Variants in CCDC3 observed in about 807,000 individuals in gnomAD.
The protein encoded by CCDC3 is coiled-coil domain containing 3, also known as coiled-coil domain-containing protein 3.
CCDC3 carries 24 observed loss-of-function variants against 21.4 expected under a neutral mutation model. That is an observed-to-expected ratio of 1.12 (90% CI 0.81 to 1.58). The LOEUF (loss-of-function observed/expected upper bound fraction) is 1.58. Among genes scored for constraint, CCDC3 ranks in the 40% most tolerant of loss-of-function variants. CCDC3 has a pLI of 0.00. For missense variants in CCDC3, 425 were observed against 360.9 expected (o/e 1.18, Z -1.44); for synonymous variants, 186 against 166.0 (o/e 1.12, Z -0.93).
At chr10:13,085,239 G>T (rs1425658051) in intron 3 of CCDC3, among the ~76,000 whole-genome samples, 1 of 152,190 alleles carries the variant, frequency 6.6e-6, no homozygotes, top group African/African-American at 2.4e-5. Context: ...GCGTGCTGTT[G>T]TGTGCGCACC....
upstream of CCDC3, among the ~76,000 whole-genome samples, chr10:13,002,411 A>G (rs983339199): frequency 2.0e-5 from 3 of 152,102 alleles, no homozygotes; most frequent in Non-Finnish European, 4.4e-5. Context: ...TTCTTGAGAC[A>G]AGGTCTATAT....
intron 4 of CCDC3, among the ~76,000 whole-genome samples, chr10:13,050,181 CCG>C (rs1287545141): frequency 2.6e-5 from 4 of 152,060 alleles, no homozygotes; most frequent in Non-Finnish European, 5.9e-5. Flanking sequence ...TTTGCTGTGG[CCG>C]TGGGTGTGGA....
At chr10:13,071,038 C>T (rs1292025193) in intron 4 of CCDC3, among the ~76,000 whole-genome samples, 1 of 152,174 alleles carries the variant, frequency 6.6e-6, no homozygotes, top group Non-Finnish European at 1.5e-5. Flanking sequence ...TATTCTCCTT[C>T]TGAGCAGTTA....
intron 2 of CCDC3, among the ~76,000 whole-genome samples, chr10:12,945,557 C>T (rs539252497): frequency 8.5e-5 from 13 of 152,230 alleles, no homozygotes; most frequent in African/African-American, 2.2e-4. Flanking sequence ...TAAATTCTAA[C>T]ATTAATATCA....
intron 2 of CCDC3, among the ~76,000 whole-genome samples, chr10:12,972,958 G>T (rs891125478): frequency 1.3e-5 from 2 of 152,200 alleles, no homozygotes; most frequent in African/African-American, 4.8e-5. Flanking sequence ...CATGGCTGCA[G>T]CTCGTGACCA....
At chr10:12,986,062 T>C (rs927685305) in intron 2 of CCDC3, among the ~76,000 whole-genome samples, 1 of 152,138 alleles carries the variant, frequency 6.6e-6, no homozygotes, top group African/African-American at 2.4e-5. Flanking sequence ...TATTTTTTAG[T>C]AGAGACAGGA....
At chr10:13,013,362 A>G (rs1308320497) in intron 5 of CCDC3, among the ~76,000 whole-genome samples, 1 of 152,256 alleles carries the variant, frequency 6.6e-6, no homozygotes, top group East Asian at 1.9e-4. Flanking sequence ...AGAACTGGGA[A>G]ATATCTCACA....
chr10:13,001,187 C>T lies in CCDC3; in HGVS notation c.374+10G>A. The stretch of plus-strand genomic sequence containing the variant: ...AGAGAGAGAGGTGGCGGCGGCGCCG[C>T]CGGGCTCACCTGAGGAAGAAGAAAT... On this transcript the variant is annotated intron_variant, in intron 1 of 2. Transcript: ENST00000378825. 2 of 1,545,978 alleles carry T rather than the reference C, an allele frequency of 1.3e-6. No individual in the cohort carries two copies. Among genetic ancestry groups the T allele is most frequent in the East Asian group, 5.0e-5 (2 of 40,352 alleles).
At chr10:12,997,419 C>G (rs1835779041) in intron 2 of CCDC3, among the ~76,000 whole-genome samples, 1 of 152,196 alleles carries the variant, frequency 6.6e-6, no homozygotes, top group Admixed American at 6.5e-5. Flanking sequence ...TGTGGCAAAG[C>G]CCATTGCTTT....
intron 2 of CCDC3, among the ~76,000 whole-genome samples, chr10:12,925,229 G>A (rs1834517045): frequency 1.3e-5 from 2 of 152,142 alleles, no homozygotes; most frequent in South Asian, 4.1e-4. Flanking sequence ...CTGGAGAGAG[G>A]AATATGAAGG....
chr10:13,013,624 G>A (rs948601450), intron 5 of CCDC3, among the ~76,000 whole-genome samples: 2 of 152,112 alleles, frequency 1.3e-5, no homozygotes, highest in African/African-American at 4.8e-5. Flanking sequence ...TAAATGTCAT[G>A]GTAATGGAGC....
chr10:12,926,085 AGTGCTCAGTCCTGGGTAGGGACTG>A (rs1355119760), intron 2 of CCDC3, among the ~76,000 whole-genome samples: 1 of 152,248 alleles, frequency 6.6e-6, no homozygotes, highest in Admixed American at 6.5e-5. Flanking sequence ...AGCGCAGGAC[AGTGCTCAGTCCTGGGTAGGGACTG>A]GAATACTGGG....
rs770509572 is a variant in CCDC3, at chr10:13,001,418, C to T, written c.153G>A (p.Leu51=). 1.3e-6 allele frequency: 2 copies of T among 1,548,738 alleles called. No homozygotes were observed. Among genetic ancestry groups the T allele is most frequent in the Non-Finnish European group, 1.7e-6 (2 of 1,147,336 alleles). The change falls in exon 1 of 3, where the codon CTG becomes CTA. Residue 51 remains leucine, a synonymous_variant. Coordinates refer to ENST00000378825, the MANE Select transcript of CCDC3 (RefSeq NM_031455.4). Reference sequence around the variant, plus strand: ...TGTAGAGGCCGGGCGCCTCGGGGTGCAGCGCCAGCACCCTGGCGTACACGA... The same window carrying T: ...TGTAGAGGCCGGGCGCCTCGGGGTGTAGCGCCAGCACCCTGGCGTACACGA... ...ETIVYARVLA[L]HPEAPGLYNH... is the part of the protein sequence containing the mutation.
chr10:13,030,042 G>C (rs917176116), intron 5 of CCDC3, among the ~76,000 whole-genome samples: 1 of 152,192 alleles, frequency 6.6e-6, no homozygotes, highest in Admixed American at 6.5e-5. Context: ...ATAATTGTCA[G>C]ATTCACCAAA....
In CCDC3 at chr10:12,909,068, T is replaced by G. The variant is rs184068808; in HGVS notation, c.550-10389A>C. ...CCATCTTCCTGGTATCCTTGGACAC[T>G]CATGGTCCTGTGAGTTACAGCATCT... On this transcript the variant is annotated intron_variant, in intron 2 of 2. Coordinates refer to ENST00000378825, the MANE Select transcript of CCDC3 (RefSeq NM_031455.4). 2.0e-5 allele frequency among the ~76,000 whole-genome samples: 3 copies of G among 152,318 alleles called. No individual in the cohort carries two copies. In the East Asian group the frequency reaches 5.8e-4, roughly 29 times the overall value.
intron 5 of CCDC3, among the ~76,000 whole-genome samples, chr10:13,019,832 C>G (rs1435374100): frequency 2.0e-5 from 3 of 151,598 alleles, no homozygotes; most frequent in Non-Finnish European, 2.9e-5. Flanking sequence ...CCCGTCTTTA[C>G]TAAAAGTACA....
At chr10:13,058,849 G>A (rs1237442052) in intron 4 of CCDC3, among the ~76,000 whole-genome samples, 1 of 152,182 alleles carries the variant, frequency 6.6e-6, no homozygotes, top group Non-Finnish European at 1.5e-5. Context: ...GGTGGCTGAG[G>A]AAGTCCCGCA....
intron 2 of CCDC3, among the ~76,000 whole-genome samples, chr10:12,968,647 G>A (rs547912139): frequency 2.2e-4 from 33 of 152,218 alleles, no homozygotes; most frequent in African/African-American, 7.5e-4. Flanking sequence ...GTTAAAAGAT[G>A]AAACTATTTA....
chr10:12,975,582 G>A (rs1040420464), intron 2 of CCDC3, among the ~76,000 whole-genome samples: 6 of 152,190 alleles, frequency 3.9e-5, no homozygotes, highest in Admixed American at 3.3e-4. Flanking sequence ...TTGTGCAGGT[G>A]GCCAAGGCTG....
Sources: gnomAD v4.1 joint callset for allele counts (sites outside exome capture counted in the v4.1 genomes callset) on GRCh38, gnomAD v4.1.1 for gene constraint, MANE v1.5 for transcripts, NCBI Gene and HGNC (gene_info 2026-07-23, HGNC 2026-07-21) for gene names.